KAZN: variants seen among roughly 807,000 people sequenced by gnomAD.
The protein encoded by KAZN is kazrin, periplakin interacting protein, also known as kazrin.
KAZN carries 40 observed loss-of-function variants against 87.4 expected under a neutral mutation model. The ratio of observed to expected loss-of-function variants is 0.46; its 90% CI spans 0.36 to 0.60. The LOEUF (loss-of-function observed/expected upper bound fraction) is 0.60. Ranked by LOEUF, KAZN falls within the 20% of genes least tolerant of loss-of-function variation. The pLI is 0.00. For missense variants in KAZN, 898 were observed against 1,073.9 expected (o/e 0.84, Z 2.29); for synonymous variants, 466 against 458.3 (o/e 1.02, Z -0.22).
intron 2 of KAZN, among the ~76,000 whole-genome samples, chr1:14,393,055 T>A (rs1242948455): frequency 6.6e-6 from 1 of 152,180 alleles, no homozygotes; most frequent in African/African-American, 2.4e-5. Context: ...TCCGGACTGT[T>A]CTCTGCTGGC....
At chr1:14,443,141 G>T (rs761512289) in intron 2 of KAZN, among the ~76,000 whole-genome samples, 11 of 152,290 alleles carry the variant, frequency 7.2e-5, no homozygotes, top group Middle Eastern at 6.8e-3. Context: ...TCTTCCAAAC[G>T]TGATCTGGGC....
intron 1 of KAZN, among the ~76,000 whole-genome samples, chr1:14,078,847 G>A (rs1213368710): frequency 6.6e-6 from 1 of 152,112 alleles, no homozygotes; most frequent in African/African-American, 2.4e-5. Context: ...ACCACACCTG[G>A]CTAATTTTTA....
chr1:14,547,590 CTGT>C (rs945621565), intron 2 of KAZN, among the ~76,000 whole-genome samples: 20 of 152,144 alleles, frequency 1.3e-4, no homozygotes, highest in African/African-American at 4.1e-4. Flanking sequence ...TAAAATAACG[CTGT>C]TGTTGTTGTT....
chr1:14,650,068 G>A lies in KAZN; in HGVS notation c.226+50845G>A, dbSNP rs1382964005. Among the ~76,000 whole-genome samples the A allele has an allele frequency of 3.8e-5, 5 of 130,364 alleles. No homozygotes were observed. In the East Asian group the frequency reaches 7.2e-4, roughly 19 times the overall value. The allele number at this position is 130,364 out of a possible 152,430, so 85.5% of individuals were successfully genotyped here. Reference sequence around the variant, plus strand: ...TTTTTTTTTTTTTTTTGCTGATAAGGAAACTAAAGCCCAGAGAAGTTTAGT... The same window carrying A: ...TTTTTTTTTTTTTTTTGCTGATAAGAAAACTAAAGCCCAGAGAAGTTTAGT... On this transcript the variant is annotated intron_variant, in intron 1 of 14. Transcript: ENST00000376030.
chr1:14,663,807 C>T (rs1018800877), intron 1 of KAZN, among the ~76,000 whole-genome samples: 1 of 152,162 alleles, frequency 6.6e-6, no homozygotes, highest in Non-Finnish European at 1.5e-5. Flanking sequence ...TCCAGCAATT[C>T]TGCTTCTAGT....
intron 1 of KAZN, among the ~76,000 whole-genome samples, chr1:14,178,997 C>G (rs868575476): frequency 6.6e-6 from 1 of 152,174 alleles, no homozygotes; most frequent in African/African-American, 2.4e-5. Context: ...AATTCCTCCT[C>G]TTTGGCTGGT....
In KAZN at chr1:15,065,724, G is replaced by C; in HGVS notation, c.1193G>C (p.Arg398Pro). 6.2e-7 allele frequency: 1 copy of C among 1,614,246 alleles called. No individual in the cohort carries two copies. Among genetic ancestry groups the C allele is most frequent in the Non-Finnish European group, 8.5e-7 (1 of 1,180,034 alleles). ...CGCGTCTTCGCCAGAGGGAAGCAGC[G>C]GAAGTCCCTCGACCCCGGCCTCTTT... is the stretch of plus-strand genomic sequence containing the variant. ...ISRVFARGKQ[R>P]KSLDPGLFDD... Residue 398 changes from arginine to proline, a missense_variant, in exon 8 of 15, where the codon CGG becomes CCG. This residue lies in a region of KAZN where 521 missense variants were observed against 689.4 expected (regional missense o/e 0.76). Coordinates refer to ENST00000376030, the MANE Select transcript of KAZN (RefSeq NM_201628.3).
At chr1:14,844,571 A>C (rs1572631007) in intron 1 of KAZN, among the ~76,000 whole-genome samples, 1 of 152,242 alleles carries the variant, frequency 6.6e-6, no homozygotes, top group East Asian at 1.9e-4. Context: ...TTGGGCACCA[A>C]GCCAAGATGT....
intron 1 of KAZN, among the ~76,000 whole-genome samples, chr1:14,601,008 C>T (rs1475518768): frequency 6.6e-6 from 1 of 152,150 alleles, no homozygotes; most frequent in African/African-American, 2.4e-5. Flanking sequence ...GGGCTGATTC[C>T]TTGTTCTTTT....
At chr1:15,015,058 C>T (rs1669936917) in intron 2 of KAZN, among the ~76,000 whole-genome samples, 1 of 152,124 alleles carries the variant, frequency 6.6e-6, no homozygotes, top group Non-Finnish European at 1.5e-5. Context: ...TTTTAGAACA[C>T]TTCTGACACA....
chr1:14,933,634 T>C (rs1006742184), intron 1 of KAZN, among the ~76,000 whole-genome samples: 8 of 151,586 alleles, frequency 5.3e-5, no homozygotes, highest in Non-Finnish European at 1.2e-4. Context: ...TGATGTACAT[T>C]TTAATTCTTA....
intron 1 of KAZN, among the ~76,000 whole-genome samples, chr1:14,071,552 C>T (rs1430218275): frequency 1.3e-5 from 2 of 151,124 alleles, no homozygotes; most frequent in African/African-American, 5.0e-5. Context: ...TACCCTCCTG[C>T]TTCTGCATGG....
chr1:14,737,007 C>T (rs138530413), intron 1 of KAZN, among the ~76,000 whole-genome samples: 7 of 152,202 alleles, frequency 4.6e-5, no homozygotes, highest in Middle Eastern at 3.4e-3. Context: ...TCAATAAGGA[C>T]GTAAGTGCAT....
chr1:14,879,585 T>A (rs1653117812), intron 1 of KAZN, among the ~76,000 whole-genome samples: 1 of 152,138 alleles, frequency 6.6e-6, no homozygotes, highest in African/African-American at 2.4e-5. Context: ...GATTTCAGGA[T>A]CAGAAATGGC....
chr1:14,249,464 C>T (rs148371244), intron 2 of KAZN, among the ~76,000 whole-genome samples: 1 of 152,124 alleles, frequency 6.6e-6, no homozygotes, highest in Non-Finnish European at 1.5e-5. Context: ...TCAGGAAGTT[C>T]CAGGTGTGAA....
intron 1 of KAZN, among the ~76,000 whole-genome samples, chr1:14,906,705 A>G: frequency 6.6e-6 from 1 of 150,884 alleles, no homozygotes; most frequent in Non-Finnish European, 1.5e-5. Context: ...TCACCACCTT[A>G]TCTATGGTCC....
At chr1:14,544,987 A>G (rs1330939903) in intron 2 of KAZN, among the ~76,000 whole-genome samples, 1 of 152,016 alleles carries the variant, frequency 6.6e-6, no homozygotes, top group Non-Finnish European at 1.5e-5. Context: ...CTACTCATCC[A>G]TCTCCCACAC....
intron 1 of KAZN, among the ~76,000 whole-genome samples, chr1:14,836,942 T>C (rs1315358242): frequency 6.6e-6 from 1 of 152,092 alleles, no homozygotes; most frequent in Non-Finnish European, 1.5e-5. Flanking sequence ...TCCCGTCCAC[T>C]CCTCCGCCCC....
intron 2 of KAZN, among the ~76,000 whole-genome samples, chr1:14,330,170 C>T (rs549025405): frequency 1.3e-5 from 2 of 152,320 alleles, no homozygotes; most frequent in South Asian, 4.1e-4. Flanking sequence ...GGGAACCCAA[C>T]TGCAGAACTG....
Sources: gnomAD v4.1 joint callset for allele counts (sites outside exome capture counted in the v4.1 genomes callset) on GRCh38, gnomAD v4.1.1 for gene constraint, gnomAD v4.1.1 regional missense constraint, MANE v1.5 for transcripts, NCBI Gene and HGNC (gene_info 2026-07-23, HGNC 2026-07-21) for gene names.